IRS4: variants seen among roughly 807,000 people sequenced by gnomAD.
IRS4 encodes 160 kDa phosphotyrosine protein.
In IRS4, 15 loss-of-function variants were observed where a neutral mutation model predicts 48.6. That is an observed-to-expected ratio of 0.31 (90% CI 0.21 to 0.48). IRS4 has a LOEUF of 0.48. Among genes scored for constraint, IRS4 ranks in the 20% least tolerant of loss-of-function variants. The probability of loss-of-function intolerance (pLI) is 0.99; values close to 1 mark genes in which losing one functional copy is unlikely to be tolerated. For synonymous variants in IRS4, 459 were observed against 413.2 expected (o/e 1.11, Z -1.34); for missense variants, 987 against 1,023.4 (o/e 0.96, Z 0.49).
rs888946538 is a variant in IRS4 at position 108,733,498 on chromosome X, A to G, written c.2847T>C (p.Ala949=). 7 of 1,210,284 alleles carry G rather than the reference A, an allele frequency of 5.8e-6. No homozygotes were observed. The highest frequency in any genetic ancestry group is 1.7e-5 in the African/African-American group (1 of 57,164). Residue 949 remains alanine, a synonymous_variant, in exon 1 of 2, where the codon GCT becomes GCC. Coordinates refer to ENST00000372129, the MANE Select transcript of IRS4 (RefSeq NM_001379150.1). The stretch of plus-strand genomic sequence containing the variant: ...TAGAAAAGGCTGACTGTCTGGGTTC[A>G]GCAATTATGCCCCACGAATCTGGTA... ...QGLPDSWGII[A]EPRQSAFSNY...
rs977239916 is a variant in IRS4 at position 108,734,421 on chromosome X, C to T, written c.1924G>A (p.Gly642Arg). 1 of 1,212,023 alleles carries T rather than the reference C, an allele frequency of 8.3e-7. No homozygotes were observed. The highest frequency in any genetic ancestry group is 1.7e-5 in the African/African-American group (1 of 57,832). Residue 642 changes from glycine (G) to arginine (R), a missense_variant, in exon 1 of 2, where the codon GGA becomes AGA. By Grantham distance (125) the Gly-to-Arg change is moderately radical. This residue lies in a region of IRS4 where 720 missense variants were observed against 660.3 expected (regional missense o/e 1.09). Transcript: ENST00000372129. The part of the protein sequence containing the change: ...PPPPPPPPAG[G>R]TGGKGKSGGR... ...CCAGACTTCCCTTTTCCACCAGTTC[C>T]TCCAGCTGGTGGGGGTGGAGGAGGA...
intron 1 of IRS4, chrX:108,726,747 G>A (rs1379878467): frequency 1.8e-5 from 2 of 111,740 alleles, no homozygotes; most frequent in Non-Finnish European, 3.8e-5. Flanking sequence ...CAATATATAG[G>A]GAATTAGATA....
rs1357880398 is a variant in IRS4 at position 108,734,680 on chromosome X, C to T, written c.1665G>A (p.Gly555=). 1 of 1,208,451 alleles carries T rather than the reference C, an allele frequency of 8.3e-7. No individual in the cohort carries two copies. Among genetic ancestry groups the T allele is most frequent in the African/African-American group, 1.8e-5 (1 of 56,632 alleles). ...GTCTCTGGCCACCACCTGAACCGTG[C>T]CCACCTGCGGTGCCCTGGCCATCTC... ...CSRDGQGTAG[G]HGSGGGQRPG... Residue 555 remains glycine, a synonymous_variant, in exon 1 of 2, where the codon GGG becomes GGA. Coordinates refer to ENST00000372129, the MANE Select transcript of IRS4 (RefSeq NM_001379150.1).
intron 1 of IRS4, among the ~76,000 whole-genome samples, chrX:108,731,999 C>T (rs1260052178): frequency 8.9e-6 from 1 of 112,010 alleles, no homozygotes; most frequent in East Asian, 2.8e-4. Flanking sequence ...TGTTTTGTTC[C>T]CCCCAGACAT....
chrX:108,735,245 T>A lies in IRS4; in HGVS notation c.1100A>T (p.Glu367Val). Residue 367 changes from glutamate (E) to valine (V), a missense_variant, in exon 1 of 2, where the codon GAG becomes GTG. Glu to Val is a moderately radical substitution (Grantham distance 121). Coordinates refer to ENST00000372129, the MANE Select transcript of IRS4 (RefSeq NM_001379150.1). Reference sequence around the variant, plus strand: ...GGACCTTCTGAGCCAGCCTCCCGGCTCGAGCGGCACCAAGCCCAGGTGCCT... The same window carrying A: ...GGACCTTCTGAGCCAGCCTCCCGGCACGAGCGGCACCAAGCCCAGGTGCCT... ...ARRHLGLVPL[E>V]PGGWLRRSRF... 8.3e-7 allele frequency: 1 copy of A among 1,211,636 alleles called. No individual in the cohort carries two copies. The highest frequency in any genetic ancestry group is 3.0e-5 in the East Asian group (1 of 33,792).
At position 108,733,852 on chromosome X, in the gene IRS4, C is replaced by T. The variant is rs142497632; in HGVS notation, c.2493G>A (p.Met831Ile). 3.3e-6 allele frequency: 4 copies of T among 1,209,447 alleles called. No individual in the cohort carries two copies. In the African/African-American group the frequency reaches 7.0e-5, roughly 21 times the overall value. ...CCCTCCCCAGGAACTTTCCAGGTAA[C>T]ATTGGCACATACTCACTGTTGTCAT... is the stretch of plus-strand genomic sequence containing the variant. ...GQNDNSEYVP[M>I]LPGKFLGRGL... The change falls in exon 1 of 2, where the codon ATG becomes ATA. Residue 831 changes from methionine (M) to isoleucine (I), a missense_variant. By Grantham distance (10) the Met-to-Ile change is conservative (BLOSUM62 1). This residue lies in a region of IRS4 where 720 missense variants were observed against 660.3 expected (regional missense o/e 1.09). Transcript: ENST00000372129.
Position 108,732,666 on chromosome X carries a change from C to G in IRS4, c.3679G>C (p.Glu1227Gln). 2 of 1,211,774 alleles carry G rather than the reference C, an allele frequency of 1.7e-6. No homozygotes were observed. Among genetic ancestry groups the G allele is most frequent in the Middle Eastern group, 2.3e-4 (1 of 4,355 alleles). ...PRSRRVPRPP[E>Q]REDSDNDDDT... is the part of the protein sequence containing the mutation. The stretch of plus-strand genomic sequence containing the variant: ...TCGTCGTTGTCAGAATCTTCTCTCT[C>G]CGGGGGTCTTGGCACCCGGCGACTG... The change falls in exon 1 of 2, where the codon GAG (glutamate) becomes CAG (glutamine). Residue 1227 changes from glutamate to glutamine, a missense_variant. By Grantham distance (29) the Glu-to-Gln change is conservative. This residue lies in a region of IRS4 where 720 missense variants were observed against 660.3 expected (regional missense o/e 1.09). Coordinates refer to ENST00000372129, the MANE Select transcript of IRS4 (RefSeq NM_001379150.1).
chrX:108,730,222 C>G (rs1456092579), intron 1 of IRS4, among the ~76,000 whole-genome samples: 1 of 110,852 alleles, frequency 9.0e-6, no homozygotes, highest in African/African-American at 3.3e-5. Flanking sequence ...ACTTCACAGA[C>G]AACATTCTAC....
intron 1 of IRS4, chrX:108,724,543 G>A (rs2068866581): frequency 8.9e-6 from 1 of 111,850 alleles, no homozygotes; most frequent in Non-Finnish European, 1.9e-5. Context: ...ATATTAAAAT[G>A]AGTTTACATT....
In IRS4 at chrX:108,732,866, G is replaced by T. The variant is rs369514888; in HGVS notation, c.3479C>A (p.Ala1160Asp). The part of the protein sequence containing the change: ...AAAAGFDSAS[A>D]RWFQPVANAA... ...ATTAGCAACAGGTTGAAACCAGCGGGCAGAGGCGGAGTCAAATCCAGCAGC... is the reference window on the plus strand; with the variant it reads ...ATTAGCAACAGGTTGAAACCAGCGGTCAGAGGCGGAGTCAAATCCAGCAGC... Residue 1160 changes from alanine (A) to aspartate (D), a missense_variant, in exon 1 of 2, where the codon GCC (alanine) becomes GAC (aspartate). Ala to Asp is a moderately radical substitution (Grantham distance 126). Around this residue, in one of 4 missense-constraint regions of IRS4, gnomAD observed 720 missense variants for 660.3 expected, o/e 1.09. Coordinates refer to ENST00000372129, the MANE Select transcript of IRS4 (RefSeq NM_001379150.1). 2 of 1,169,818 alleles carry T rather than the reference G, an allele frequency of 1.7e-6. No homozygotes were observed. The highest frequency in any genetic ancestry group is 1.8e-5 in the African/African-American group (1 of 56,413).
rs771069464 is a variant in IRS4, at chrX:108,733,353, G to C, written c.2992C>G (p.Pro998Ala). 4 of 1,210,130 alleles carry C rather than the reference G, an allele frequency of 3.3e-6. No homozygotes were observed. The highest frequency in any genetic ancestry group is 4.5e-6 in the Non-Finnish European group (4 of 895,292). ...LSLDSARWPL[P>A]PLPLSATGSN... is the part of the protein sequence containing the mutation. ...CCTGTAGCACTGAGGGGAAGGGGAG[G>C]AAGTGGCCACCTAGCACTGTCCAGA... The change falls in exon 1 of 2, where the codon CCT becomes GCT. Residue 998 changes from proline (P) to alanine (A), a missense_variant. Pro to Ala is a conservative substitution (Grantham distance 27). Transcript: ENST00000372129.
At chrX:108,726,495 G>A (rs1473245024) in intron 1 of IRS4, 7 of 111,857 alleles carry the variant, frequency 6.3e-5, no homozygotes, top group African/African-American at 2.3e-4. Context: ...AGGACTCTGA[G>A]TGCGAGGACA....
At position 108,735,735 on chromosome X, in the gene IRS4, G is replaced by A. The variant is rs755689625; in HGVS notation, c.610C>T (p.Arg204Cys). ...TGCGCGCCGAGCGTGCCGCAGCGGC[G>A]GCGCTTGCTCTCGAGGATGAGGCGG... The part of the protein sequence containing the change: ...LSRLILESKR[R>C]RCGTLGAQPD... Residue 204 changes from arginine to cysteine, a missense_variant, in exon 1 of 2, where the codon CGC (arginine) becomes TGC (cysteine). Transcript: ENST00000372129. The A allele has an allele frequency of 3.4e-6, 4 of 1,186,472 alleles. No individual in the cohort carries two copies. The South Asian group carries it at 5.7e-5, about 17-fold the overall frequency.
rs1352338456 is a variant in IRS4 at position 108,723,446 on chromosome X, G to C, written c.3767-923C>G. 8 of 112,163 alleles carry C rather than the reference G, an allele frequency of 7.1e-5. No individual in the cohort carries two copies. In the South Asian group the frequency reaches 3.0e-3, roughly 42 times the overall value. The allele number at this position is 112,163 out of a possible 1,213,427, so 9.2% of individuals were successfully genotyped here. On this transcript the variant is annotated intron_variant, in intron 1 of 1. Transcript: ENST00000372129. ...TTATGGCTCACTGCAGCCCCACCCA[G>C]ACTCCTGGGCTCAAGGATTTTTAAA...
chrX:108,725,567 G>A (rs771776360), intron 1 of IRS4, among the ~76,000 whole-genome samples: 10 of 110,231 alleles, frequency 9.1e-5, no homozygotes, highest in Non-Finnish European at 1.7e-4. Flanking sequence ...ATTGTCTCTG[G>A]AGTATATGTA....
In IRS4 at chrX:108,734,420, C is replaced by G. The variant is rs778399784; in HGVS notation, c.1925G>C (p.Gly642Ala). The G allele has an allele frequency of 1.7e-6, 2 of 1,209,908 alleles. No individual in the cohort carries two copies. The highest frequency in any genetic ancestry group is 4.4e-5 in the Admixed American group (2 of 45,818). ...PPPPPPPPAG[G>A]TGGKGKSGGR... Reference sequence around the variant, plus strand: ...CCCAGACTTCCCTTTTCCACCAGTTCCTCCAGCTGGTGGGGGTGGAGGAGG... The same window carrying G: ...CCCAGACTTCCCTTTTCCACCAGTTGCTCCAGCTGGTGGGGGTGGAGGAGG... Residue 642 changes from glycine (G) to alanine (A), a missense_variant, in exon 1 of 2, where the codon GGA (glycine) becomes GCA (alanine). Transcript: ENST00000372129.
In IRS4 at chrX:108,734,262, C is replaced by G. The variant is rs772605954; in HGVS notation, c.2083G>C (p.Asp695His). The G allele has an allele frequency of 8.3e-7, 1 of 1,211,627 alleles. No homozygotes were observed. Among genetic ancestry groups the G allele is most frequent in the Admixed American group, 2.2e-5 (1 of 46,059 alleles). ...ATTGGCACGTATGGGTCATCCTCAT[C>G]TTCATCAAAAGCTCTGGCTCTGTGG... is the stretch of plus-strand genomic sequence containing the variant. ...GPHRARAFDE[D>H]EDDPYVPMRP... Residue 695 changes from aspartate to histidine, a missense_variant, in exon 1 of 2, where the codon GAT becomes CAT. This residue lies in a region of IRS4 where 720 missense variants were observed against 660.3 expected (regional missense o/e 1.09). Coordinates refer to ENST00000372129, the MANE Select transcript of IRS4 (RefSeq NM_001379150.1).
chrX:108,733,461 C>T lies in IRS4; in HGVS notation c.2884G>A (p.Val962Ile), dbSNP rs765710689. The part of the protein sequence containing the change: ...RQSAFSNYVN[V>I]EFGVPFPNPA... The stretch of plus-strand genomic sequence containing the variant: ...TTTGGAAATGGCACTCCAAACTCAA[C>T]ATTCACATAATTAGAAAAGGCTGAC... Residue 962 changes from valine (V) to isoleucine (I), a missense_variant, in exon 1 of 2, where the codon GTT becomes ATT. This residue lies in a region of IRS4 where 720 missense variants were observed against 660.3 expected (regional missense o/e 1.09). Transcript: ENST00000372129. 3 of 1,211,626 alleles carry T rather than the reference C, an allele frequency of 2.5e-6. No homozygotes were observed. The East Asian group carries it at 8.9e-5, about 36-fold the overall frequency.
Position 108,736,515 on chromosome X carries a change from G to T in IRS4, c.-171C>A. 1.2e-6 allele frequency: 1 copy of T among 817,183 alleles called. No individual in the cohort carries two copies. Among genetic ancestry groups the T allele is most frequent in the Non-Finnish European group, 1.7e-6 (1 of 579,107 alleles). 67.3% of individuals were successfully genotyped at this position (817,183 alleles called of 1,213,427 possible). On this transcript the variant is annotated 5_prime_UTR_variant, in exon 1 of 2. Transcript: ENST00000372129. ...CACGACAGCGGGCAAAACAACACGT[G>T]ACCACAGCCTCACGCGGCGGCCGCT... is the stretch of plus-strand genomic sequence containing the variant.
Sources: allele counts gnomAD v4.1 joint callset (sites outside exome capture counted in the v4.1 genomes callset), GRCh38; gene constraint gnomAD v4.1.1; regional missense constraint gnomAD v4.1.1; transcripts MANE v1.5; gene names NCBI Gene and HGNC (gene_info 2026-07-23, HGNC 2026-07-21).